PRORP: variants seen among roughly 807,000 people sequenced by gnomAD.
PRORP encodes the protein mitochondrial ribonuclease P catalytic subunit.
PRORP carries 51 observed loss-of-function variants against 59.4 expected under a neutral mutation model. The ratio of observed to expected loss-of-function variants is 0.86; its 90% CI spans 0.69 to 1.08. The LOEUF (loss-of-function observed/expected upper bound fraction) is 1.08, where lower values mean the gene tolerates loss of function less well. Ranked by LOEUF, PRORP falls within the 50% of genes least tolerant of loss-of-function variation. The probability of loss-of-function intolerance (pLI) is 0.00; values close to 1 mark genes in which losing one functional copy is unlikely to be tolerated. For missense variants in PRORP, 646 were observed against 690.3 expected, an observed-to-expected ratio of 0.94 and a Z score of 0.72; for synonymous variants, 231 against 245.6, an observed-to-expected ratio of 0.94 and a Z score of 0.55.
chr14:35,130,026 CTT>C (rs749745249), intron 4 of PRORP, among the ~76,000 whole-genome samples: 1 of 143,142 alleles, frequency 7.0e-6, no homozygotes, highest in Non-Finnish European at 1.5e-5. Context: ...ATTGTTTAGA[CTT>C]TCTTTTTTTT....
At chr14:35,216,423 C>T (rs2049596655) in intron 5 of PRORP, among the ~76,000 whole-genome samples, 1 of 151,908 alleles carries the variant, frequency 6.6e-6, no homozygotes, top group Non-Finnish European at 1.5e-5. Context: ...AATCCTCCCG[C>T]CTCAGCCCCC....
At chr14:35,162,304 A>T (rs983483115) in intron 4 of PRORP, among the ~76,000 whole-genome samples, 2 of 152,158 alleles carry the variant, frequency 1.3e-5, no homozygotes, top group African/African-American at 4.8e-5. Context: ...TGGAAATTTT[A>T]ACAGTATATA....
chr14:35,269,641 C>CT (rs34506255), intron 6 of PRORP, among the ~76,000 whole-genome samples: 27 of 151,814 alleles, frequency 1.8e-4, no homozygotes, highest in African/African-American at 6.3e-4. Context: ...TTTTCTTTTT[C>CT]TTTTTTTTCT....
intron 4 of PRORP, among the ~76,000 whole-genome samples, chr14:35,138,473 A>G (rs1024771416): frequency 2.7e-5 from 4 of 145,468 alleles, no homozygotes; most frequent in African/African-American, 9.7e-5. Context: ...TCTGCCTTCA[A>G]TGTTGCTTTC....
intron 4 of PRORP, among the ~76,000 whole-genome samples, chr14:35,167,119 T>TA (rs1190728910): frequency 6.6e-6 from 1 of 152,242 alleles, no homozygotes; most frequent in Non-Finnish European, 1.5e-5. Flanking sequence ...TACCTGCTTA[T>TA]ACCACTTCTC....
At chr14:35,210,846 C>T (rs2049424459) in intron 5 of PRORP, among the ~76,000 whole-genome samples, 1 of 134,720 alleles carries the variant, frequency 7.4e-6, no homozygotes, top group Non-Finnish European at 1.5e-5. Flanking sequence ...TCACTGCTGC[C>T]TTGATCTCCC....
intron 4 of PRORP, among the ~76,000 whole-genome samples, chr14:35,179,428 T>C (rs2048541510): frequency 6.6e-6 from 1 of 152,218 alleles, no homozygotes; most frequent in African/African-American, 2.4e-5. Context: ...TTGGAGGCTT[T>C]GTTCATTTCT....
chr14:35,130,484 CT>C (rs58327846), intron 4 of PRORP, among the ~76,000 whole-genome samples: 56,914 of 146,598 alleles, frequency 0.39, 11,018 homozygotes, highest in South Asian at 0.47. Flanking sequence ...ATGTCCTTTT[CT>C]TTTTTTTTTT....
Position 35,161,398 on chromosome 14 carries a change from C to T in PRORP, c.1168-19272C>T, listed in dbSNP as rs987705743. On this transcript the variant is annotated intron_variant, in intron 4 of 7. Transcript: ENST00000534898. ...TTTTCTACACATTTCCTTCCAAGGA[C>T]GAAGGGAAGTTAGACACTGTGTTGG... Among the ~76,000 whole-genome samples, 9 of 152,092 alleles carry T rather than the reference C, an allele frequency of 5.9e-5. No homozygotes were observed. The East Asian group carries it at 1.2e-3, about 20-fold the overall frequency.
chr14:35,191,919 C>G (rs1435274949), intron 5 of PRORP, among the ~76,000 whole-genome samples: 1 of 150,854 alleles, frequency 6.6e-6, no homozygotes, highest in Non-Finnish European at 1.5e-5. Flanking sequence ...CCCCAGTAGA[C>G]TGACAAGTTT....
intron 5 of PRORP, among the ~76,000 whole-genome samples, chr14:35,260,295 G>C (rs1253050846): frequency 2.0e-5 from 3 of 152,116 alleles, no homozygotes; most frequent in Non-Finnish European, 4.4e-5. Flanking sequence ...AATTAAAAAA[G>C]AGAAATAAAC....
At position 35,274,720 on chromosome 14, in the gene PRORP, T is replaced by A. The variant is rs1479298095; in HGVS notation, c.*1154T>A. 6.6e-6 allele frequency: 1 copy of A among 152,154 alleles called. No individual in the cohort carries two copies. The highest frequency in any genetic ancestry group is 2.4e-5 in the African/African-American group (1 of 41,446). The allele number at this position is 152,154 out of a possible 1,614,324, so 9.4% of individuals were successfully genotyped here. A position where few individuals can be genotyped will look rare whatever the true frequency, so the allele number is the denominator to read the frequency against. ...GCCTCACTTCTCTAGACTATGATGG[T>A]TTTTTCTTCATTCTATAATCTCTTT... On this transcript the variant is annotated 3_prime_UTR_variant, in exon 8 of 8. Transcript: ENST00000534898.
intron 5 of PRORP, among the ~76,000 whole-genome samples, chr14:35,246,843 C>T (rs1379544324): frequency 6.6e-6 from 1 of 152,152 alleles, no homozygotes; most frequent in East Asian, 1.9e-4. Flanking sequence ...TCTTTCCTCT[C>T]TCTTCTTTTC....
At chr14:35,260,973 C>T (rs2138634041) in intron 5 of PRORP, among the ~76,000 whole-genome samples, 1 of 152,332 alleles carries the variant, frequency 6.6e-6, no homozygotes, top group South Asian at 2.1e-4. Context: ...TATGAACTAC[C>T]ACACCCAGCC....
At chr14:35,175,550 AGTGTCT>A (rs1406997279) in intron 4 of PRORP, among the ~76,000 whole-genome samples, 1 of 151,760 alleles carries the variant, frequency 6.6e-6, no homozygotes, top group East Asian at 1.9e-4. Context: ...TCTTTTGAGA[AGTGTCT>A]GTTCATGTCC....
At chr14:35,208,933 T>C (rs2049363852) in intron 5 of PRORP, among the ~76,000 whole-genome samples, 2 of 152,010 alleles carry the variant, frequency 1.3e-5, no homozygotes, top group South Asian at 4.1e-4. Flanking sequence ...TCACTTGAAT[T>C]TGGGAGGCAA....
rs186522241 is a variant in PRORP, at chr14:35,213,334, G to A, written c.1275+32557G>A. On this transcript the variant is annotated intron_variant, in intron 5 of 7. Coordinates refer to ENST00000534898, the MANE Select transcript of PRORP (RefSeq NM_014672.4). ...TCCTATAGTCCTAGCTTGGAAAGCT[G>A]GTGGGAGGATCACTTCAGCCCAGGA... 2.3e-3 allele frequency among the ~76,000 whole-genome samples: 357 copies of A among 152,224 alleles called. 2 individuals are homozygous for A. Among genetic ancestry groups the A allele is most frequent in the African/African-American group, 8.2e-3 (341 of 41,522 alleles).
intron 4 of PRORP, among the ~76,000 whole-genome samples, chr14:35,166,048 G>A (rs1423802807): frequency 6.6e-6 from 1 of 151,948 alleles, no homozygotes. Context: ...TCTTCTTTTT[G>A]TTTTGATTTA....
At chr14:35,225,193 A>G (rs1476504240) in intron 5 of PRORP, among the ~76,000 whole-genome samples, 1 of 152,170 alleles carries the variant, frequency 6.6e-6, no homozygotes, top group Non-Finnish European at 1.5e-5. Flanking sequence ...ACATGTATTT[A>G]CTAGGACTTC....
Sources: allele counts gnomAD v4.1 joint callset (sites outside exome capture counted in the v4.1 genomes callset), GRCh38; gene constraint gnomAD v4.1.1; transcripts MANE v1.5; gene names NCBI Gene and HGNC (gene_info 2026-07-23, HGNC 2026-07-21).